The following ZNF804B variants were observed in gnomAD, a reference collection of about 807,000 sequenced individuals.
ZNF804B encodes the protein zinc finger protein 804B.
ZNF804B carries 80 observed loss-of-function variants against 101.4 expected under a neutral mutation model. That is an observed-to-expected ratio of 0.79 (90% CI 0.66 to 0.95). The LOEUF is 0.95. Ranked by LOEUF, ZNF804B falls within the 40% of genes least tolerant of loss-of-function variation. ZNF804B has a pLI of 0.00. For missense variants in ZNF804B, 1,673 were observed against 1,561.9 expected, an observed-to-expected ratio of 1.07 and a Z score of -1.20; for synonymous variants, 622 against 558.8, an observed-to-expected ratio of 1.11 and a Z score of -1.59.
chr7:89,141,571 A>G (rs1385384120), intron 1 of ZNF804B, among the ~76,000 whole-genome samples: 4 of 152,032 alleles, frequency 2.6e-5, no homozygotes, highest in African/African-American at 9.7e-5. Context: ...TTTTGGGAAT[A>G]TGCCTAGACA....
At chr7:89,284,280 C>G (rs1417902296) in intron 2 of ZNF804B, among the ~76,000 whole-genome samples, 1 of 152,180 alleles carries the variant, frequency 6.6e-6, no homozygotes, top group African/African-American at 2.4e-5. Flanking sequence ...GGAAGTTCAT[C>G]TCTCCAATTG....
chr7:89,199,993 A>T (rs917334163), intron 1 of ZNF804B, among the ~76,000 whole-genome samples: 1 of 149,878 alleles, frequency 6.7e-6, no homozygotes, highest in Non-Finnish European at 1.5e-5. Context: ...ACATATATAT[A>T]TTTAAAAATG....
rs117767375 is a variant in ZNF804B, at chr7:89,103,016, T to C, written c.109-115139T>C. Among the ~76,000 whole-genome samples the C allele has an allele frequency of 8.1e-3, 1,202 of 149,270 alleles. 9 individuals carry two copies. The highest frequency in any genetic ancestry group is 0.032 in the South Asian group (151 of 4,704). On this transcript the variant is annotated intron_variant, in intron 1 of 3. Transcript: ENST00000333190. ...TATAGACAGTGGTTTTATTTCTGGG[T>C]TCTCTATTCTATTCCATTGACCTAT...
At chr7:89,076,758 T>C (rs1457741588) in intron 1 of ZNF804B, among the ~76,000 whole-genome samples, 1 of 152,110 alleles carries the variant, frequency 6.6e-6, no homozygotes, top group Non-Finnish European at 1.5e-5. Context: ...TAAAAAATAA[T>C]AGAGGCTTAA....
chr7:89,147,476 T>C (rs1392540630), intron 1 of ZNF804B, among the ~76,000 whole-genome samples: 1 of 152,126 alleles, frequency 6.6e-6, no homozygotes, highest in Non-Finnish European at 1.5e-5. Flanking sequence ...AATTAAATCA[T>C]TGTTTTAAAT....
intron 2 of ZNF804B, among the ~76,000 whole-genome samples, chr7:89,299,974 C>CT (rs1790449775): frequency 6.6e-6 from 1 of 151,704 alleles, no homozygotes; most frequent in Non-Finnish European, 1.5e-5. Context: ...GATAATTTCC[C>CT]AACAATTAAT....
intron 1 of ZNF804B, among the ~76,000 whole-genome samples, chr7:89,186,140 T>C (rs1788372764): frequency 6.6e-6 from 1 of 151,992 alleles, no homozygotes; most frequent in South Asian, 2.1e-4. Context: ...TTATTAGTGA[T>C]AAAATAATTT....
intron 1 of ZNF804B, among the ~76,000 whole-genome samples, chr7:88,922,729 A>G (rs957153134): frequency 6.6e-6 from 1 of 152,034 alleles, no homozygotes; most frequent in Non-Finnish European, 1.5e-5. Flanking sequence ...TCAATCTATT[A>G]TGTAATTTTG....
intron 1 of ZNF804B, among the ~76,000 whole-genome samples, chr7:88,891,273 G>C (rs1218115743): frequency 6.6e-6 from 1 of 152,024 alleles, no homozygotes; most frequent in Non-Finnish European, 1.5e-5. Context: ...TATATTTGTA[G>C]GGTATACACT....
chr7:89,198,862 G>A (rs1788592081), intron 1 of ZNF804B, among the ~76,000 whole-genome samples: 1 of 151,928 alleles, frequency 6.6e-6, no homozygotes, highest in South Asian at 2.1e-4. Context: ...ACCATCTGTA[G>A]CAGAAAGCAG....
At chr7:88,845,276 TGCGCACGC>T (rs1791351719) in intron 1 of ZNF804B, among the ~76,000 whole-genome samples, 1 of 138,776 alleles carries the variant, frequency 7.2e-6, no homozygotes, top group Non-Finnish European at 1.5e-5. Flanking sequence ...TGCGCATGTG[TGCGCACGC>T]GCGCGCGCAC....
chr7:89,147,060 G>A (rs997663680), intron 1 of ZNF804B, among the ~76,000 whole-genome samples: 1 of 144,612 alleles, frequency 6.9e-6, no homozygotes, highest in Non-Finnish European at 1.5e-5. Context: ...GTGAGACCTT[G>A]TATCAAAAAA....
At chr7:89,091,410 T>G (rs1583980888) in intron 1 of ZNF804B, among the ~76,000 whole-genome samples, 2 of 152,202 alleles carry the variant, frequency 1.3e-5, no homozygotes, top group East Asian at 3.9e-4. Context: ...ATTTCTCTAT[T>G]AGATTTGCCT....
intron 1 of ZNF804B, among the ~76,000 whole-genome samples, chr7:89,011,768 C>T (rs10230631): frequency 6.6e-6 from 1 of 152,038 alleles, no homozygotes; most frequent in African/African-American, 2.4e-5. Flanking sequence ...GTACAGCCCC[C>T]CTCGCAGCTT....
At chr7:88,977,157 G>C (rs576932136) in intron 1 of ZNF804B, among the ~76,000 whole-genome samples, 1 of 151,250 alleles carries the variant, frequency 6.6e-6, no homozygotes, top group African/African-American at 2.4e-5. Flanking sequence ...GAGGATTTTT[G>C]CATCACTGTT....
chr7:89,026,234 A>G (rs1407785159), intron 1 of ZNF804B, among the ~76,000 whole-genome samples: 2 of 152,186 alleles, frequency 1.3e-5, no homozygotes, highest in African/African-American at 4.8e-5. Context: ...AACAAGTGAT[A>G]TGATGTGCTT....
intron 1 of ZNF804B, among the ~76,000 whole-genome samples, chr7:88,766,712 T>C (rs907163423): frequency 2.0e-5 from 3 of 152,206 alleles, no homozygotes; most frequent in African/African-American, 7.2e-5. Context: ...GCTGTTTTAA[T>C]GTACAAAGTT....
intron 1 of ZNF804B, among the ~76,000 whole-genome samples, chr7:88,985,307 CTAAAG>C (rs143354791): frequency 0.039 from 5,812 of 149,450 alleles, 148 homozygotes; most frequent in East Asian, 0.12. Context: ...ATTCTAAAAA[CTAAAG>C]TATAGAAAAG....
At chr7:88,922,276 A>G (rs1048859947) in intron 1 of ZNF804B, among the ~76,000 whole-genome samples, 4 of 152,042 alleles carry the variant, frequency 2.6e-5, no homozygotes, top group Non-Finnish European at 4.4e-5. Flanking sequence ...TTTTGCTGGG[A>G]ACTGTCATAT....
Sources: gnomAD v4.1 joint callset for allele counts (sites outside exome capture counted in the v4.1 genomes callset) on GRCh38, gnomAD v4.1.1 for gene constraint, MANE v1.5 for transcripts, NCBI Gene and HGNC (gene_info 2026-07-23, HGNC 2026-07-21) for gene names.